Variants in SANBR observed in about 807,000 individuals in gnomAD.
The protein encoded by SANBR is SANT and BTB domain regulator of CSR, also known as SANT and BTB domain regulator of class switch recombination.
In SANBR, 77 loss-of-function variants were observed where a neutral mutation model predicts 101.8. That is an observed-to-expected ratio of 0.76 (90% confidence interval 0.63 to 0.91). The LOEUF (loss-of-function observed/expected upper bound fraction) is 0.91, where lower values mean the gene tolerates loss of function less well. Ranked by LOEUF, SANBR falls within the 40% of genes least tolerant of loss-of-function variation. SANBR has a pLI of 0.00. For missense variants in SANBR, 875 were observed against 853.0 expected (o/e 1.03, Z -0.32); for synonymous variants, 279 against 274.7 (o/e 1.02, Z -0.15).
intron 3 of SANBR, among the ~76,000 whole-genome samples, chr2:61,070,853 A>T (rs548217883): frequency 1.3e-5 from 2 of 151,386 alleles, no homozygotes; most frequent in East Asian, 3.9e-4. Flanking sequence ...GGCTCACTGC[A>T]GCCTCGACCT....
In SANBR at chr2:61,122,158, C is replaced by CATA; in HGVS notation, c.2155_2157dup. The CATA allele has an allele frequency of 6.5e-7, 1 of 1,549,480 alleles. No individual in the cohort carries two copies. The highest frequency in any genetic ancestry group is 8.7e-7 in the Non-Finnish European group (1 of 1,145,420). The stretch of plus-strand genomic sequence containing the variant: ...AGTCGTTTTGGTCAAGGGCGTCCTG[C>CATA]ATAAAGTACCTTAAAATATAAGTAA... On this transcript the variant is annotated stop_gained and inframe_insertion, in exon 22 of 22. Coordinates refer to ENST00000402291, the MANE Select transcript of SANBR (RefSeq NM_001129993.3). LOFTEE classifies it high-confidence loss of function.
At chr2:61,097,116 T>G (rs1025707310) in intron 11 of SANBR, among the ~76,000 whole-genome samples, 59 of 152,172 alleles carry the variant, frequency 3.9e-4, no homozygotes, top group African/African-American at 1.4e-3. Context: ...ATGGCACCAC[T>G]TCACTCCAGC....
chr2:61,109,165 T>C lies in SANBR; in HGVS notation c.1645-32T>C, dbSNP rs769643497. The C allele has an allele frequency of 8.3e-6, 9 of 1,088,250 alleles. No individual in the cohort carries two copies. The East Asian group carries it at 2.3e-4, about 28-fold the overall frequency. 67.4% of individuals were successfully genotyped at this position (1,088,250 alleles called of 1,614,324 possible). The stretch of plus-strand genomic sequence containing the variant: ...AAGAATTCAATAAAAAATCATAATA[T>C]TACATTTATAATAGATTTTTTTTTA... On this transcript the variant is annotated intron_variant, in intron 15 of 21. Transcript: ENST00000402291.
chr2:61,088,935 C>A (rs753276627), intron 10 of SANBR: 118 of 898,134 alleles, frequency 1.3e-4, no homozygotes, highest in Non-Finnish European at 1.5e-4. Context: ...AAAATACTTT[C>A]TAAACAAGGT....
chr2:61,125,110 A>G (rs150708567), downstream of SANBR, among the ~76,000 whole-genome samples: 34 of 152,288 alleles, frequency 2.2e-4, no homozygotes, highest in East Asian at 2.7e-3. Context: ...AAGCTGATCT[A>G]TTGGGGAAGA....
chr2:61,121,089 TAAAATTACTTC>T (rs1684312290), intron 20 of SANBR, 85 bp from the exon 21 acceptor site: 1 of 894,144 alleles, frequency 1.1e-6, no homozygotes, highest in African/African-American at 1.7e-5. Flanking sequence ...AAAATCAAAA[TAAAATTACTTC>T]TAAATTAAAA....
chr2:61,095,052 C>T (rs1313667516), intron 11 of SANBR, among the ~76,000 whole-genome samples: 1 of 152,194 alleles, frequency 6.6e-6, no homozygotes, highest in Non-Finnish European at 1.5e-5. Context: ...TGCATTTCTA[C>T]CAGCTACATA....
At position 61,097,731 on chromosome 2, in the gene SANBR, A is replaced by G; in HGVS notation, c.1244A>G (p.Gln415Arg). The G allele has an allele frequency of 1.2e-6, 2 of 1,608,336 alleles. No homozygotes were observed. Among genetic ancestry groups the G allele is most frequent in the South Asian group, 1.1e-5 (1 of 90,440 alleles). ...CTCTGTATTGAATTTTCACATTGTCAATACCACTCAGAAACAGTGGTTTAT... is the reference window on the plus strand; with the variant it reads ...CTCTGTATTGAATTTTCACATTGTCGATACCACTCAGAAACAGTGGTTTAT... ...AFLCIEFSHC[Q>R]YHSETVVYPT... Residue 415 changes from glutamine (Q) to arginine (R), a missense_variant, in exon 12 of 22, where the codon CAA becomes CGA. Transcript: ENST00000402291.
At chr2:61,088,818 C>G (rs1392473248) in intron 10 of SANBR, 1 of 972,088 alleles carries the variant, frequency 1.0e-6, no homozygotes, top group East Asian at 1.1e-4. Context: ...CGCTCCCAGC[C>G]CAGATTTTTT....
intron 16 of SANBR, among the ~76,000 whole-genome samples, chr2:61,115,088 C>G (rs1473105717): frequency 1.3e-5 from 2 of 152,144 alleles, no homozygotes; most frequent in African/African-American, 2.4e-5. Flanking sequence ...ACATCACCCC[C>G]TTTTCTGAAA....
Position 61,137,308 on chromosome 2 carries a change from T to A in SANBR, c.*45-156T>A, listed in dbSNP as rs563193070. On this transcript the variant is annotated intron_variant, in intron 21 of 21. Transcript: ENST00000295031. The stretch of plus-strand genomic sequence containing the variant: ...TAAATAATAATAATAATAATAATAA[T>A]GAAATGTTTCTCCTTTTAGTAAATA... Among the ~76,000 whole-genome samples the A allele has an allele frequency of 2.6e-5, 4 of 152,034 alleles. No individual in the cohort carries two copies. The East Asian group carries it at 7.7e-4, about 29-fold the overall frequency.
At position 61,122,557 on chromosome 2, in the gene SANBR, G is replaced by T. The variant is rs1684376660; in HGVS notation, c.*395G>T. ...GTTACCATGCATGGCACTGATTGTA[G>T]TATGTCTTTGGAGCTGTAAATCTTG... On this transcript the variant is annotated 3_prime_UTR_variant, in exon 22 of 22. Coordinates refer to ENST00000402291, the MANE Select transcript of SANBR (RefSeq NM_001129993.3). 2 of 993,276 alleles carry T rather than the reference G, an allele frequency of 2.0e-6. No homozygotes were observed. Among genetic ancestry groups the T allele is most frequent in the South Asian group, 9.3e-5 (2 of 21,550 alleles). The allele number at this position is 993,276 out of a possible 1,614,324, so 61.5% of individuals were successfully genotyped here. A position where few individuals can be genotyped will look rare whatever the true frequency, so the allele number is the denominator to read the frequency against.
intron 4 of SANBR, among the ~76,000 whole-genome samples, chr2:61,073,020 G>A (rs993457069): frequency 4.0e-5 from 6 of 151,694 alleles, no homozygotes; most frequent in African/African-American, 1.5e-4. Flanking sequence ...TAGTCAACAA[G>A]AGCTTCAACT....
intron 5 of SANBR, among the ~76,000 whole-genome samples, chr2:61,075,717 TA>T (rs2104855222): frequency 6.6e-6 from 1 of 151,966 alleles, no homozygotes; most frequent in East Asian, 1.9e-4. Flanking sequence ...AATTTATATT[TA>T]ATATATTTAT....
chr2:61,069,370 T>A (rs996118408), intron 2 of SANBR, among the ~76,000 whole-genome samples: 2 of 151,842 alleles, frequency 1.3e-5, no homozygotes, highest in African/African-American at 4.9e-5. Flanking sequence ...GTTGCTGCAT[T>A]TCAGCAAGGT....
chr2:61,081,351 T>C (rs982395928), intron 6 of SANBR, 101 bp from the exon 7 acceptor site: 90 of 1,143,088 alleles, frequency 7.9e-5, no homozygotes, highest in Non-Finnish European at 1.5e-5. Flanking sequence ...TATTAAATTA[T>C]TCTTATTCCA....
At position 61,117,581 on chromosome 2, in the gene SANBR, A is replaced by G. The variant is rs1301218366; in HGVS notation, c.1939+41A>G. ...TGGGTAATGTACAAATTGGATGTAA[A>G]TAGCAATGATTGGTGTGTGTTTCAT... On this transcript the variant is annotated intron_variant, in intron 19 of 21. Transcript: ENST00000402291. 4.1e-6 allele frequency: 6 copies of G among 1,477,620 alleles called. No individual in the cohort carries two copies. In the South Asian group the frequency reaches 6.8e-5, roughly 17 times the overall value. The allele number at this position is 1,477,620 out of a possible 1,614,324, so 91.5% of individuals were successfully genotyped here.
chr2:61,122,650 A>C lies in SANBR; in HGVS notation c.*488A>C. The C allele has an allele frequency of 1.0e-6, 1 of 986,688 alleles. No homozygotes were observed. The highest frequency in any genetic ancestry group is 1.2e-6 in the Non-Finnish European group (1 of 830,766). 61.1% of individuals were successfully genotyped at this position (986,688 alleles called of 1,614,324 possible). On this transcript the variant is annotated 3_prime_UTR_variant, in exon 22 of 22. Transcript: ENST00000402291. Reference sequence around the variant, plus strand: ...TGATGCTAATTTTAAGTCTGCATGAATATTAAGGAGTGACAGGTCTCAAGA... The same window carrying C: ...TGATGCTAATTTTAAGTCTGCATGACTATTAAGGAGTGACAGGTCTCAAGA...
chr2:61,125,653 T>C (rs1684492938), downstream of SANBR, among the ~76,000 whole-genome samples: 1 of 152,238 alleles, frequency 6.6e-6, no homozygotes, highest in Non-Finnish European at 1.5e-5. Context: ...GTTTGCTTCT[T>C]ACTATTTGTT....
Sources: allele counts gnomAD v4.1 joint callset (sites outside exome capture counted in the v4.1 genomes callset), GRCh38; gene constraint gnomAD v4.1.1; transcripts MANE v1.5; gene names NCBI Gene and HGNC (gene_info 2026-07-23, HGNC 2026-07-21).